Variants in ATP10B observed in about 807,000 individuals in gnomAD.
ATP10B encodes the protein ATPase phospholipid transporting 10B (putative), also known as phospholipid-transporting ATPase VB.
Under a neutral mutation model 141.2 loss-of-function variants are expected in ATP10B, and 122 were observed. The ratio of observed to expected loss-of-function variants is 0.86; its 90% CI spans 0.75 to 1.00. The LOEUF is 1.00. Ranked by LOEUF, ATP10B falls within the 50% of genes least tolerant of loss-of-function variation. ATP10B has a pLI of 0.00. For missense variants in ATP10B, 1,876 were observed against 1,825.3 expected (o/e 1.03, Z -0.51); for synonymous variants, 685 against 692.0 (o/e 0.99, Z 0.16).
chr5:160,747,024 A>C lies in ATP10B; in HGVS notation c.-330-29990T>G, dbSNP rs549855860. ...GGAAAAAAATAGCTGCCTAGGTTTT[A>C]AACAAAACTGAGACATTTCACATAG... On this transcript the variant is annotated intron_variant, in intron 2 of 25. Transcript: ENST00000327245. Among the ~76,000 whole-genome samples the C allele has an allele frequency of 3.9e-5, 6 of 152,332 alleles. No individual in the cohort carries two copies. In the South Asian group the frequency reaches 1.2e-3, roughly 32 times the overall value.
chr5:160,881,890 GATAA>G, the ATP10B span, among the ~76,000 whole-genome samples: 6 of 152,056 alleles, frequency 3.9e-5, no homozygotes, highest in East Asian at 1.9e-4. Flanking sequence ...TAAGTGAATG[GATAA>G]ATAAACTGTG....
chr5:160,686,701 C>A (rs1382788708), intron 5 of ATP10B, among the ~76,000 whole-genome samples: 1 of 152,062 alleles, frequency 6.6e-6, no homozygotes, highest in East Asian at 1.9e-4. Context: ...CTGTTATTTA[C>A]TCGTTGTGTG....
At chr5:160,840,329 T>C (rs1446269145) in intron 1 of ATP10B, among the ~76,000 whole-genome samples, 1 of 151,988 alleles carries the variant, frequency 6.6e-6, no homozygotes, top group Non-Finnish European at 1.5e-5. Context: ...GGTATAGTCC[T>C]ATTAACACTG....
intron 24 of ATP10B, among the ~76,000 whole-genome samples, chr5:160,589,305 C>A (rs768125988): frequency 5.3e-5 from 8 of 152,192 alleles, no homozygotes; most frequent in Non-Finnish European, 1.0e-4. Context: ...AGCCACCATG[C>A]CTGGCCATAC....
the ATP10B span, among the ~76,000 whole-genome samples, chr5:160,913,955 G>A: frequency 1.3e-5 from 2 of 152,146 alleles, no homozygotes; most frequent in Admixed American, 6.5e-5. Flanking sequence ...TCTCTAATAC[G>A]AAAGTAGATT....
Position 160,815,415 on chromosome 5 carries a change from G to A in ATP10B, c.-575-29612C>T, listed in dbSNP as rs1773531716. Among the ~76,000 whole-genome samples the A allele has an allele frequency of 3.3e-5, 5 of 152,148 alleles. No individual in the cohort carries two copies. The South Asian group carries it at 1.0e-3, about 32-fold the overall frequency. On this transcript the variant is annotated intron_variant, in intron 1 of 25. Transcript: ENST00000327245. ...GAAGCCCATTACATAATGGTAAAGGGATCAATTCAACAAGAAGAGCTAACT... is the reference window on the plus strand; with the variant it reads ...GAAGCCCATTACATAATGGTAAAGGAATCAATTCAACAAGAAGAGCTAACT...
intron 24 of ATP10B, among the ~76,000 whole-genome samples, chr5:160,572,819 C>A (rs1434248123): frequency 6.6e-6 from 1 of 152,238 alleles, no homozygotes; most frequent in Non-Finnish European, 1.5e-5. Context: ...AAACCTCATA[C>A]ACCCAACATT....
At position 160,660,681 on chromosome 5, in the gene ATP10B, G is replaced by T. The variant is rs191134019; in HGVS notation, c.675+9782C>A. On this transcript the variant is annotated intron_variant, in intron 7 of 25. Coordinates refer to ENST00000327245, the MANE Select transcript of ATP10B (RefSeq NM_025153.3). ...ATAGATCTAAACAACCATCATCAAT[G>T]ACTATTAACAGTGAAAAAAGATAGA... 1.2e-4 allele frequency among the ~76,000 whole-genome samples: 19 copies of T among 152,226 alleles called. No individual in the cohort carries two copies. The East Asian group carries it at 3.7e-3, about 29-fold the overall frequency.
intron 24 of ATP10B, among the ~76,000 whole-genome samples, chr5:160,582,157 T>G (rs188017393): frequency 6.6e-6 from 1 of 152,178 alleles, no homozygotes; most frequent in Non-Finnish European, 1.5e-5. Flanking sequence ...ACATTTAAGG[T>G]TAATATTGTT....
chr5:160,654,767 T>C (rs1378180774), intron 7 of ATP10B, among the ~76,000 whole-genome samples: 1 of 152,196 alleles, frequency 6.6e-6, no homozygotes, highest in Non-Finnish European at 1.5e-5. Context: ...GCAGCACTTA[T>C]TGAATGCTTG....
At chr5:160,880,605 G>T in the ATP10B span, among the ~76,000 whole-genome samples, 1 of 152,082 alleles carries the variant, frequency 6.6e-6, no homozygotes, top group Non-Finnish European at 1.5e-5. Context: ...AGCACAGAGT[G>T]GAGAGACCAG....
the ATP10B span, among the ~76,000 whole-genome samples, chr5:160,874,885 GA>G: frequency 6.9e-6 from 1 of 145,758 alleles, no homozygotes; most frequent in African/African-American, 2.6e-5. Context: ...GGGACTATGT[GA>G]AAAGACCAAA....
chr5:160,916,487 T>C, the ATP10B span, among the ~76,000 whole-genome samples: 2 of 152,168 alleles, frequency 1.3e-5, no homozygotes, highest in East Asian at 1.9e-4. Flanking sequence ...TAAGCACCCA[T>C]TTAATAATGC....
At chr5:160,703,473 T>A (rs561113186) in intron 3 of ATP10B, among the ~76,000 whole-genome samples, 1 of 92,636 alleles carries the variant, frequency 1.1e-5, no homozygotes, top group East Asian at 3.5e-4. Context: ...TTTGTCTTGA[T>A]GATATTTGTT....
chr5:160,592,543 G>C (rs1430644902), intron 22 of ATP10B, among the ~76,000 whole-genome samples: 2 of 152,316 alleles, frequency 1.3e-5, no homozygotes, highest in Admixed American at 6.5e-5. Flanking sequence ...ATCTCACTAG[G>C]GAGTGCCAGA....
Position 160,831,725 on chromosome 5 carries a change from C to A in ATP10B, c.-576+20216G>T, listed in dbSNP as rs114626047. Among the ~76,000 whole-genome samples, 914 of 152,140 alleles carry A rather than the reference C, an allele frequency of 6.0e-3. 13 individuals are homozygous for A. The highest frequency in any genetic ancestry group is 0.021 in the African/African-American group (870 of 41,532). On this transcript the variant is annotated intron_variant, in intron 1 of 25. Coordinates refer to ENST00000327245, the MANE Select transcript of ATP10B (RefSeq NM_025153.3). ...CATTGTGAAAAGTGCTGAATACCTC[C>A]TTACCAGGGAAGAGATTGAAGAAAC...
At chr5:160,603,864 T>C in intron 20 of ATP10B, 101 bp downstream of exon 20, 1 of 945,754 alleles carries the variant, frequency 1.1e-6, no homozygotes, top group Non-Finnish European at 1.7e-6. Context: ...ACTTTGGATG[T>C]GGGTGGAAGT....
Position 160,634,377 on chromosome 5 carries a change from CT to C in ATP10B, c.1357del (p.Ser453AlafsTer44). The C allele has an allele frequency of 6.2e-7, 1 of 1,614,188 alleles. No individual in the cohort carries two copies. Among genetic ancestry groups the C allele is most frequent in the South Asian group, 1.1e-5 (1 of 91,078 alleles). ...ACCATTTTCTTGGTGAGAATACTCG[CT>C]GCCCATGATGGTGCAACGTCGGAAC... Reference protein sequence around the residue: ...MVFRRCTIMGSEYSHQENAKR... With the variant: ...MVFRRCTIMGXEYSHQENAKR... On this transcript the variant is annotated frameshift_variant, in exon 12 of 26. Coordinates refer to ENST00000327245, the MANE Select transcript of ATP10B (RefSeq NM_025153.3). LOFTEE classifies it high-confidence loss of function.
intron 1 of ATP10B, among the ~76,000 whole-genome samples, chr5:160,788,042 T>C (rs895783261): frequency 6.6e-6 from 1 of 152,180 alleles, no homozygotes. Context: ...CTAGAGGTCA[T>C]ACATTCACCT....
Sources: allele counts gnomAD v4.1 joint callset (sites outside exome capture counted in the v4.1 genomes callset), GRCh38; gene constraint gnomAD v4.1.1; transcripts MANE v1.5; gene names NCBI Gene and HGNC (gene_info 2026-07-23, HGNC 2026-07-21).